ASB11: variants seen among roughly 807,000 people sequenced by gnomAD.
ASB11 encodes ankyrin repeat and SOCS box containing 11.
A neutral mutation model predicts 20.1 loss-of-function variants in ASB11; 17 were observed. The observed-to-expected ratio is 0.85, with a 90% CI of 0.58 to 1.27. The LOEUF is 1.27. ASB11 is among the 50% of genes most tolerant of loss of function. The probability of loss-of-function intolerance (pLI) is 0.00; values close to 1 mark genes in which losing one functional copy is unlikely to be tolerated. For missense variants in ASB11, 259 were observed against 256.9 expected (o/e 1.01, Z -0.06); for synonymous variants, 107 against 105.6 (o/e 1.01, Z -0.08).
Position 15,297,591 on chromosome X carries a change from A to T in ASB11, c.352T>A (p.Leu118Met). ...GGHVACAKAL[L>M]ENGAHVNGVT... ...GTACTCACGTGTGCACCATTTTCCA[A>T]TAAGGCTTTGGCACAGGCCACGTGA... Residue 118 changes from leucine to methionine, a missense_variant, in exon 3 of 7, where the codon TTG becomes ATG. Leu to Met is a conservative substitution (Grantham distance 15). Coordinates refer to ENST00000480796, the MANE Select transcript of ASB11 (RefSeq NM_080873.3). 8.3e-7 allele frequency: 1 copy of T among 1,198,798 alleles called. No individual in the cohort carries two copies. The highest frequency in any genetic ancestry group is 1.8e-5 in the South Asian group (1 of 54,508).
chrX:15,288,689 G>A (rs761505872), intron 5 of ASB11, among the ~76,000 whole-genome samples: 2 of 110,836 alleles, frequency 1.8e-5, no homozygotes, highest in South Asian at 3.9e-4. Flanking sequence ...TTCGAGACCA[G>A]CCTGGCCAAC....
chrX:15,295,546 A>G (rs757404474), intron 3 of ASB11, among the ~76,000 whole-genome samples: 11 of 111,449 alleles, frequency 9.9e-5, no homozygotes, highest in Non-Finnish European at 2.1e-4. Context: ...GGCCTCTGAA[A>G]CTAGGAACCC....
chrX:15,307,773 C>A (rs1221855818), intron 1 of ASB11, among the ~76,000 whole-genome samples: 2 of 112,181 alleles, frequency 1.8e-5, no homozygotes, highest in African/African-American at 6.5e-5. Flanking sequence ...TGATAATATG[C>A]AATTTCTTGC....
rs1927210980 is a variant in ASB11 at position 15,282,496 on chromosome X, C to T, written c.*1009G>A. On this transcript the variant is annotated 3_prime_UTR_variant, in exon 7 of 7. Coordinates refer to ENST00000480796, the MANE Select transcript of ASB11 (RefSeq NM_080873.3). ...CCCAGCATTGAGCCCACTTTGGTGG[C>T]TGGCATCAGTATGTAATTATTTCAA... The T allele has an allele frequency of 9.0e-6, 1 of 111,394 alleles. No homozygotes were observed. 9.2% of individuals were successfully genotyped at this position (111,394 alleles called of 1,213,427 possible). A position where few individuals can be genotyped will look rare whatever the true frequency, so the allele number is the denominator to read the frequency against.
In ASB11 at chrX:15,288,758, G is replaced by A. The variant is rs754271833; in HGVS notation, c.656-686C>T. On this transcript the variant is annotated intron_variant, in intron 5 of 6. Transcript: ENST00000480796. ...AAATTAGCCGGGTGTAGTGGTGTGC[G>A]TCTGTAATCCCAGCTACTCCGGCGG... Among the ~76,000 whole-genome samples the A allele has an allele frequency of 1.2e-4, 13 of 110,106 alleles. 1 individual carries two copies. In the South Asian group the frequency reaches 3.5e-3, roughly 30 times the overall value.
rs774330290 is a variant in ASB11 at position 15,289,569 on chromosome X, C to A, written c.590G>T (p.Gly197Val). 3 of 1,208,979 alleles carry A rather than the reference C, an allele frequency of 2.5e-6. No individual in the cohort carries two copies. The highest frequency in any genetic ancestry group is 3.4e-6 in the Non-Finnish European group (3 of 893,132). Residue 197 changes from glycine (G) to valine (V), a missense_variant, in exon 5 of 7, where the codon GGA becomes GTA. Coordinates refer to ENST00000480796, the MANE Select transcript of ASB11 (RefSeq NM_080873.3). ...VNIDHEVPQL[G>V]TPLYVACTYQ... is the part of the protein sequence containing the mutation. ...GGTGCAGGCCACATATAGGGGAGTTCCGAGCTGAGGCACCTCATGGTCAAT... is the reference window on the plus strand; with the variant it reads ...GGTGCAGGCCACATATAGGGGAGTTACGAGCTGAGGCACCTCATGGTCAAT...
At chrX:15,286,889 C>T (rs986271596) in intron 6 of ASB11, among the ~76,000 whole-genome samples, 2 of 111,482 alleles carry the variant, frequency 1.8e-5, no homozygotes, top group Admixed American at 9.6e-5. Context: ...GCCTGGCATA[C>T]GTAGAGCTGA....
At chrX:15,306,869 G>A (rs779952990) in intron 1 of ASB11, among the ~76,000 whole-genome samples, 2 of 111,935 alleles carry the variant, frequency 1.8e-5, no homozygotes, top group South Asian at 7.5e-4. Flanking sequence ...GACATGTTAC[G>A]CTCTTGCCTA....
At chrX:15,314,078 A>AT (rs1278242379) in intron 1 of ASB11, among the ~76,000 whole-genome samples, 1 of 108,191 alleles carries the variant, frequency 9.2e-6, no homozygotes, top group Non-Finnish European at 1.9e-5. Flanking sequence ...AAAAAAAAAA[A>AT]GAGTGCACTT....
chrX:15,286,759 A>G (rs1393502612), intron 6 of ASB11, among the ~76,000 whole-genome samples: 4 of 109,798 alleles, frequency 3.6e-5, no homozygotes, highest in African/African-American at 1.3e-4. Context: ...GACCTTGTCA[A>G]TGCTTTTCTT....
intron 3 of ASB11, among the ~76,000 whole-genome samples, chrX:15,297,016 G>A (rs1052753978): frequency 4.4e-5 from 5 of 112,550 alleles, no homozygotes; most frequent in Admixed American, 9.4e-5. Flanking sequence ...GTACAAGGCC[G>A]GGCGCGGTGG....
In ASB11 at chrX:15,293,315, A is replaced by G. The variant is rs766676769; in HGVS notation, c.375T>C (p.Asn125=). The change falls in exon 4 of 7, where the codon AAT becomes AAC. Residue 125 remains asparagine (N), a synonymous_variant. Coordinates refer to ENST00000480796, the MANE Select transcript of ASB11 (RefSeq NM_080873.3). ...KALLENGAHV[N]GVTVHGATPL... ...GTGTGGCTCCGTGAACTGTCACTCC[A>G]TTGACCTAATGATGGGCAAAGAGAG... 7 of 1,205,232 alleles carry G rather than the reference A, an allele frequency of 5.8e-6. No homozygotes were observed. The highest frequency in any genetic ancestry group is 6.7e-6 in the Non-Finnish European group (6 of 892,881).
At chrX:15,295,232 G>A (rs866112015) in intron 3 of ASB11, among the ~76,000 whole-genome samples, 13 of 109,717 alleles carry the variant, frequency 1.2e-4, no homozygotes, top group Non-Finnish European at 1.5e-4. Context: ...TAGTAGAGAC[G>A]GGGTTTCACC....
chrX:15,310,892 C>T (rs760853110), intron 1 of ASB11, among the ~76,000 whole-genome samples: 3 of 111,667 alleles, frequency 2.7e-5, no homozygotes, highest in Non-Finnish European at 5.6e-5. Context: ...CAGGCTGAGG[C>T]AGGAGAATCA....
intron 6 of ASB11, among the ~76,000 whole-genome samples, chrX:15,287,477 C>T (rs1300631259): frequency 2.7e-5 from 3 of 112,406 alleles, no homozygotes; most frequent in African/African-American, 9.7e-5. Context: ...CAGGCGCCAG[C>T]CACCACATCT....
chrX:15,298,340 TTTCCTGTTGC>T (rs1380849592), intron 2 of ASB11, among the ~76,000 whole-genome samples: 16 of 110,936 alleles, frequency 1.4e-4, no homozygotes, highest in African/African-American at 3.6e-4. Context: ...CAGGAAGTTA[TTTCCTGTTGC>T]TTCCTGTTGC....
intron 6 of ASB11, among the ~76,000 whole-genome samples, chrX:15,285,140 CTTTTTTTTTTTTTT>C (rs767822616): frequency 2.5e-5 from 2 of 81,569 alleles, no homozygotes; most frequent in South Asian, 1.2e-3. Flanking sequence ...TTTAATCTTT[CTTTTTTTTTTTTTT>C]TTTTTTTGAC....
At chrX:15,298,404 C>A (rs1471721342) in intron 2 of ASB11, among the ~76,000 whole-genome samples, 1 of 110,817 alleles carries the variant, frequency 9.0e-6, no homozygotes, top group Non-Finnish European at 1.9e-5. Context: ...ACAGAAAGAA[C>A]CCACAGAAAG....
intron 6 of ASB11, among the ~76,000 whole-genome samples, chrX:15,286,555 C>T (rs1185067490): frequency 9.3e-6 from 1 of 107,563 alleles, no homozygotes; most frequent in East Asian, 2.9e-4. Flanking sequence ...GTCCCAGCTA[C>T]TCAGGAGGCT....
Sources: allele counts gnomAD v4.1 joint callset (sites outside exome capture counted in the v4.1 genomes callset), GRCh38; gene constraint gnomAD v4.1.1; transcripts MANE v1.5; gene names NCBI Gene and HGNC (gene_info 2026-07-23, HGNC 2026-07-21).